Variants in CNTNAP2 observed in about 807,000 individuals in gnomAD.
CNTNAP2 encodes the protein contactin associated protein 2.
Under a neutral mutation model 155.2 loss-of-function variants are expected in CNTNAP2, and 98 were observed. The ratio of observed to expected loss-of-function variants is 0.63; its 90% CI spans 0.54 to 0.75. The LOEUF (loss-of-function observed/expected upper bound fraction) is 0.75. Among genes scored for constraint, CNTNAP2 ranks in the 30% least tolerant of loss-of-function variants. The pLI is 0.00. For synonymous variants in CNTNAP2, 651 were observed against 631.2 expected (o/e 1.03, Z -0.47); for missense variants, 1,727 against 1,688.1 (o/e 1.02, Z -0.40).
At chr7:147,417,127 A>G (rs966418343) in intron 10 of CNTNAP2, among the ~76,000 whole-genome samples, 3 of 151,850 alleles carry the variant, frequency 2.0e-5, no homozygotes, top group African/African-American at 7.3e-5. Flanking sequence ...TATGCTGCAT[A>G]TTCATTATCA....
At chr7:147,711,196 C>A (rs1382960111) in intron 13 of CNTNAP2, among the ~76,000 whole-genome samples, 1 of 152,152 alleles carries the variant, frequency 6.6e-6, no homozygotes, top group Admixed American at 6.5e-5. Flanking sequence ...TGCTTAGTCC[C>A]TGTAAGGATT....
chr7:146,684,721 C>T (rs1800565896), intron 1 of CNTNAP2, among the ~76,000 whole-genome samples: 1 of 145,072 alleles, frequency 6.9e-6, no homozygotes, highest in African/African-American at 2.5e-5. Flanking sequence ...CTATTATTAC[C>T]TATTTGACAT....
chr7:146,939,938 C>T (rs971150310), intron 3 of CNTNAP2, among the ~76,000 whole-genome samples: 1 of 151,830 alleles, frequency 6.6e-6, no homozygotes, highest in Admixed American at 6.6e-5. Flanking sequence ...TGAATAGTGT[C>T]GGCTTGCCAA....
Position 148,221,814 on chromosome 7 carries a change from C to T in CNTNAP2, c.3247+4290C>T, listed in dbSNP as rs1795751335. Among the ~76,000 whole-genome samples the T allele has an allele frequency of 2.0e-5, 3 of 152,202 alleles. No individual in the cohort carries two copies. The South Asian group carries it at 6.2e-4, about 31-fold the overall frequency. ...TGTCACTCACCAGTGCTCCGTTCTT[C>T]CCTGCTTTTGTGGGTCACCCAGGCA... On this transcript the variant is annotated intron_variant, in intron 19 of 23. Coordinates refer to ENST00000361727, the MANE Select transcript of CNTNAP2 (RefSeq NM_014141.6).
intron 8 of CNTNAP2, among the ~76,000 whole-genome samples, chr7:147,142,544 T>G (rs1409248652): frequency 6.6e-6 from 1 of 152,094 alleles, no homozygotes; most frequent in Admixed American, 6.6e-5. Flanking sequence ...TCTTTTTTTG[T>G]TGTGTCTCTG....
intron 8 of CNTNAP2, among the ~76,000 whole-genome samples, chr7:147,261,013 A>G (rs1411320805): frequency 1.3e-5 from 2 of 152,222 alleles, no homozygotes; most frequent in Non-Finnish European, 2.9e-5. Flanking sequence ...AATCCGAGGC[A>G]CAACCAGACA....
At chr7:147,678,596 CA>C (rs1471770026) in intron 13 of CNTNAP2, among the ~76,000 whole-genome samples, 1 of 151,794 alleles carries the variant, frequency 6.6e-6, no homozygotes, top group Non-Finnish European at 1.5e-5. Context: ...AAGATAACAG[CA>C]AGGGGATTCA....
intron 1 of CNTNAP2, among the ~76,000 whole-genome samples, chr7:146,715,740 T>C (rs1801175870): frequency 6.6e-6 from 1 of 152,202 alleles, no homozygotes; most frequent in South Asian, 2.1e-4. Flanking sequence ...AAATAGTTTT[T>C]TAAAATATTT....
At chr7:146,634,870 CTTAAA>C (rs1799572228) in intron 1 of CNTNAP2, among the ~76,000 whole-genome samples, 1 of 152,120 alleles carries the variant, frequency 6.6e-6, no homozygotes, top group Non-Finnish European at 1.5e-5. Flanking sequence ...ACCAATGGCA[CTTAAA>C]TTTAACAGGA....
intron 16 of CNTNAP2, among the ~76,000 whole-genome samples, chr7:148,135,620 AG>A (rs1006105638): frequency 9.9e-5 from 15 of 152,030 alleles, no homozygotes; most frequent in Admixed American, 9.2e-4. Flanking sequence ...AGGCCGAGGC[AG>A]GTGGATCACC....
At chr7:147,230,495 C>T (rs1276481444) in intron 8 of CNTNAP2, among the ~76,000 whole-genome samples, 2 of 152,020 alleles carry the variant, frequency 1.3e-5, no homozygotes, top group African/African-American at 4.8e-5. Context: ...TGACCTCGTC[C>T]ATGTCAGCCT....
intron 1 of CNTNAP2, among the ~76,000 whole-genome samples, chr7:146,504,270 G>T (rs1476716668): frequency 7.5e-6 from 1 of 132,764 alleles, no homozygotes; most frequent in African/African-American, 2.7e-5. Context: ...TAGTATTCCT[G>T]CTATGCTGCC....
chr7:147,583,958 G>C (rs991556055), intron 12 of CNTNAP2, among the ~76,000 whole-genome samples: 1 of 152,012 alleles, frequency 6.6e-6, no homozygotes, highest in Non-Finnish European at 1.5e-5. Flanking sequence ...TTGAAGAATA[G>C]GCCTCAGTGC....
intron 3 of CNTNAP2, among the ~76,000 whole-genome samples, chr7:146,977,916 A>G (rs1797943300): frequency 6.6e-6 from 1 of 152,188 alleles, no homozygotes; most frequent in South Asian, 2.1e-4. Context: ...GGTACCACAC[A>G]CATTTGGCTT....
chr7:148,152,975 C>G (rs1046891906), intron 17 of CNTNAP2, among the ~76,000 whole-genome samples: 34 of 142,536 alleles, frequency 2.4e-4, no homozygotes, highest in Admixed American at 8.8e-4. Context: ...GAGCCGAGAT[C>G]GCGCCACTGC....
intron 11 of CNTNAP2, among the ~76,000 whole-genome samples, chr7:147,555,798 G>A (rs1026512599): frequency 5.9e-5 from 9 of 152,186 alleles, no homozygotes; most frequent in African/African-American, 2.2e-4. Context: ...CAAAGCACGA[G>A]GAGTAGACAG....
At chr7:148,286,906 C>T (rs1037307343) in intron 21 of CNTNAP2, among the ~76,000 whole-genome samples, 5 of 152,184 alleles carry the variant, frequency 3.3e-5, no homozygotes, top group African/African-American at 7.2e-5. Flanking sequence ...CATCTTTCTA[C>T]GTCATGTTTT....
intron 1 of CNTNAP2, among the ~76,000 whole-genome samples, chr7:146,472,247 C>T (rs1486945566): frequency 6.6e-6 from 1 of 151,994 alleles, no homozygotes; most frequent in Admixed American, 6.6e-5. Context: ...ATATATGGCT[C>T]GTAAATCAAT....
At chr7:146,811,201 GA>G (rs1386682835) in intron 2 of CNTNAP2, among the ~76,000 whole-genome samples, 1 of 152,140 alleles carries the variant, frequency 6.6e-6, no homozygotes, top group East Asian at 1.9e-4. Context: ...ATTTTGAGAA[GA>G]ATTGGTGTTA....
Sources: gnomAD v4.1 joint callset for allele counts (sites outside exome capture counted in the v4.1 genomes callset) on GRCh38, gnomAD v4.1.1 for gene constraint, MANE v1.5 for transcripts, NCBI Gene and HGNC (gene_info 2026-07-23, HGNC 2026-07-21) for gene names.